The following PPARD variants were observed in gnomAD, a reference collection of about 807,000 sequenced individuals.
The protein encoded by PPARD is peroxisome proliferator-activated receptor delta.
A neutral mutation model predicts 39.5 loss-of-function variants in PPARD; 6 were observed. The ratio of observed to expected loss-of-function variants is 0.15; its 90% CI spans 0.08 to 0.30. The LOEUF (loss-of-function observed/expected upper bound fraction) is 0.30, where lower values mean the gene tolerates loss of function less well. Ranked by LOEUF, PPARD falls within the 10% of genes least tolerant of loss-of-function variation. The pLI is 1.00. For missense variants in PPARD, 397 were observed against 596.8 expected, an observed-to-expected ratio of 0.67 and a Z score of 3.49; for synonymous variants, 210 against 231.3, an observed-to-expected ratio of 0.91 and a Z score of 0.83.
chr6:35,388,801 CAT>C (rs572090885), intron 2 of PPARD, among the ~76,000 whole-genome samples: 31 of 152,124 alleles, frequency 2.0e-4, no homozygotes, highest in Non-Finnish European at 3.8e-4. Flanking sequence ...AAGGTGCAAA[CAT>C]GTGGCAGAGG....
At chr6:35,385,013 G>C (rs1364966829) in intron 2 of PPARD, among the ~76,000 whole-genome samples, 1 of 139,364 alleles carries the variant, frequency 7.2e-6, no homozygotes, top group African/African-American at 3.0e-5. Flanking sequence ...AGGGAGGTGG[G>C]AGGGGTCAGC....
chr6:35,350,206 G>T (rs192451371), intron 2 of PPARD, among the ~76,000 whole-genome samples: 6 of 152,280 alleles, frequency 3.9e-5, no homozygotes, highest in Admixed American at 3.9e-4. Context: ...TCTGTGGGTT[G>T]TCTCTTCACT....
At chr6:35,415,290 C>A (rs774783222) in intron 3 of PPARD, among the ~76,000 whole-genome samples, 1 of 152,192 alleles carries the variant, frequency 6.6e-6, no homozygotes, top group Non-Finnish European at 1.5e-5. Context: ...AGCCTCAAAT[C>A]CCTGCAGAAT....
Position 35,342,591 on chromosome 6 carries a change from T to A in PPARD, c.-276T>A, listed in dbSNP as rs1582249324. The stretch of plus-strand genomic sequence containing the variant: ...TGTGACGCTGCGGCCGCCGCGGACC[T>A]GGGGATTAATGGGAAAAGTTTTGGC... On this transcript the variant is annotated 5_prime_UTR_variant, in exon 1 of 8. Coordinates refer to ENST00000360694, the MANE Select transcript of PPARD (RefSeq NM_006238.5). The A allele has an allele frequency of 6.6e-6, 1 of 152,420 alleles. No individual in the cohort carries two copies. Among genetic ancestry groups the A allele is most frequent in the African/African-American group, 2.4e-5 (1 of 41,428 alleles). 9.4% of individuals were successfully genotyped at this position (152,420 alleles called of 1,614,324 possible). A position where few individuals can be genotyped will look rare whatever the true frequency, so the allele number is the denominator to read the frequency against.
intron 2 of PPARD, among the ~76,000 whole-genome samples, chr6:35,380,463 TTTTTTTTTGTTTG>T (rs1763074335): frequency 1.6e-4 from 18 of 115,338 alleles, no homozygotes; most frequent in African/African-American, 4.1e-4. Context: ...CCTCGTGTTT[TTTTTTTTTGTTTG>T]TTTTTTTTTT....
chr6:35,406,615 C>T (rs1487083513), intron 2 of PPARD, among the ~76,000 whole-genome samples: 5 of 152,164 alleles, frequency 3.3e-5, no homozygotes, highest in African/African-American at 1.2e-4. Flanking sequence ...CTTGAGAGGC[C>T]ACAGTCAGAA....
chr6:35,383,285 T>A (rs1024394685), intron 2 of PPARD, among the ~76,000 whole-genome samples: 1 of 151,880 alleles, frequency 6.6e-6, no homozygotes, highest in African/African-American at 2.4e-5. Context: ...GAAAGAAGCA[T>A]ATGGTGATCA....
chr6:35,384,998 C>A (rs1274455483), intron 2 of PPARD, among the ~76,000 whole-genome samples: 1 of 142,226 alleles, frequency 7.0e-6, no homozygotes, highest in African/African-American at 2.9e-5. Flanking sequence ...GCCGCCCCGT[C>A]CGGGAGGGAG....
intron 2 of PPARD, among the ~76,000 whole-genome samples, chr6:35,383,555 G>T (rs1581589051): frequency 6.8e-6 from 1 of 146,010 alleles, no homozygotes; most frequent in Non-Finnish European, 1.5e-5. Flanking sequence ...GAGCGTCTCC[G>T]ACCGGCCGCC....
chr6:35,385,646 T>TAAAAAAAAAAAAAAAAAAAAAA (rs66948740), intron 2 of PPARD, among the ~76,000 whole-genome samples: 1 of 96,562 alleles, frequency 1.0e-5, no homozygotes, highest in Non-Finnish European at 1.8e-5. Flanking sequence ...TAAATAAATT[T>TAAAAAAAAAAAAAAAAAAAAAA]AAAAAAAAAA....
chr6:35,386,313 C>A (rs1189798634), intron 2 of PPARD, among the ~76,000 whole-genome samples: 5 of 143,730 alleles, frequency 3.5e-5, no homozygotes, highest in Admixed American at 1.4e-4. Flanking sequence ...CCCACCTCTA[C>A]AATTTTTTTT....
chr6:35,402,022 G>A (rs909006217), intron 2 of PPARD, among the ~76,000 whole-genome samples: 5 of 152,100 alleles, frequency 3.3e-5, no homozygotes, highest in Non-Finnish European at 7.3e-5. Flanking sequence ...AGAGATCTGG[G>A]TCTCTTCTGG....
chr6:35,348,284 C>T (rs1761011616), intron 2 of PPARD: 2 of 904,552 alleles, frequency 2.2e-6, no homozygotes, highest in Non-Finnish European at 2.6e-6. Context: ...GATCCAATCT[C>T]TGCCTCATGG....
intron 2 of PPARD, among the ~76,000 whole-genome samples, chr6:35,388,098 T>G (rs1763784899): frequency 6.6e-6 from 1 of 151,658 alleles, no homozygotes; most frequent in Non-Finnish European, 1.5e-5. Flanking sequence ...TTATAAAACC[T>G]CTTCATAGCT....
rs540687692 is a variant in PPARD at position 35,377,871 on chromosome 6, C to CTTTTTTT, written c.-102+30726_-102+30732dup. Among the ~76,000 whole-genome samples, 1,059 of 120,356 alleles carry CTTTTTTT rather than the reference C, an allele frequency of 8.8e-3. 138 individuals carry two copies. Among genetic ancestry groups the CTTTTTTT allele is most frequent in the African/African-American group, 0.044 (994 of 22,808 alleles). The allele number at this position is 120,356 out of a possible 152,430, so 79.0% of individuals were successfully genotyped here. A position where few individuals can be genotyped will look rare whatever the true frequency, so the allele number is the denominator to read the frequency against. On this transcript the variant is annotated intron_variant, in intron 2 of 7. Transcript: ENST00000360694. ...TGTGGGTCGCTGCTTGTTTACGTAT[C>CTTTTTTT]TTTTTTTTTTTGAGACAGAGTGTTG... is the stretch of plus-strand genomic sequence containing the variant.
At chr6:35,387,716 CTTTTTTTTTT>C (rs61314141) in intron 2 of PPARD, among the ~76,000 whole-genome samples, 81 of 89,322 alleles carry the variant, frequency 9.1e-4, no homozygotes, top group Middle Eastern at 0.011. Flanking sequence ...ACACTGCATT[CTTTTTTTTTT>C]TTTTTTTTTT....
In PPARD at chr6:35,427,039, G is replaced by A. The variant is rs1766621565; in HGVS notation, c.*960G>A. On this transcript the variant is annotated 3_prime_UTR_variant, in exon 8 of 8. Transcript: ENST00000360694. Reference sequence around the variant, plus strand: ...ACACCCAATTCTGCCCCTAGGACTCGGGGTCTGAGTCCTGGGGTCAGGCCA... The same window carrying A: ...ACACCCAATTCTGCCCCTAGGACTCAGGGTCTGAGTCCTGGGGTCAGGCCA... The A allele has an allele frequency of 6.6e-6, 1 of 152,364 alleles. No homozygotes were observed. 9.4% of individuals were successfully genotyped at this position (152,364 alleles called of 1,614,324 possible). A position where few individuals can be genotyped will look rare whatever the true frequency, so the allele number is the denominator to read the frequency against.
At chr6:35,389,314 T>G (rs1291210612) in intron 2 of PPARD, among the ~76,000 whole-genome samples, 2 of 151,970 alleles carry the variant, frequency 1.3e-5, no homozygotes, top group East Asian at 1.9e-4. Flanking sequence ...TTTTGTTTGT[T>G]TATTTTGTTT....
At chr6:35,369,582 G>C (rs1308133847) in intron 2 of PPARD, among the ~76,000 whole-genome samples, 1 of 152,152 alleles carries the variant, frequency 6.6e-6, no homozygotes, top group Non-Finnish European at 1.5e-5. Context: ...TTTGTGATTG[G>C]CTTCTGTCAC....
Sources: allele counts gnomAD v4.1 joint callset (sites outside exome capture counted in the v4.1 genomes callset), GRCh38; gene constraint gnomAD v4.1.1; transcripts MANE v1.5; gene names NCBI Gene and HGNC (gene_info 2026-07-23, HGNC 2026-07-21).